Variants in NCOA7 observed in about 807,000 individuals in gnomAD.
The protein encoded by NCOA7 is 140 kDa estrogen receptor-associated protein.
Under a neutral mutation model 104.3 loss-of-function variants are expected in NCOA7, and 45 were observed. That is an observed-to-expected ratio of 0.43 (90% confidence interval 0.34 to 0.55). The LOEUF (loss-of-function observed/expected upper bound fraction) is 0.55. Among genes scored for constraint, NCOA7 ranks in the 20% least tolerant of loss-of-function variants. The pLI, the probability that NCOA7 is intolerant of heterozygous loss-of-function variation, is 0.02. For missense variants in NCOA7, 1,041 were observed against 1,119.7 expected, an observed-to-expected ratio of 0.93 and a Z score of 1.00; for synonymous variants, 398 against 402.3, an observed-to-expected ratio of 0.99 and a Z score of 0.13.
chr6:125,782,724 A>C (rs146315398), intron 1 of NCOA7, among the ~76,000 whole-genome samples: 1 of 152,362 alleles, frequency 6.6e-6, no homozygotes, highest in Non-Finnish European at 1.5e-5. Flanking sequence ...CAGAATGCAC[A>C]TAATTCCAGT....
chr6:125,795,624 G>A (rs1236992401), intron 1 of NCOA7, among the ~76,000 whole-genome samples: 1 of 152,100 alleles, frequency 6.6e-6, no homozygotes, highest in African/African-American at 2.4e-5. Flanking sequence ...TCTGCATTCT[G>A]CCTTGCTCTG....
At chr6:125,858,037 C>T (rs1210664734) in intron 3 of NCOA7, among the ~76,000 whole-genome samples, 1 of 151,888 alleles carries the variant, frequency 6.6e-6, no homozygotes, top group Non-Finnish European at 1.5e-5. Flanking sequence ...TTAACAAAAT[C>T]AGCTCAGTCA....
rs1784154435 is a variant in NCOA7 at position 125,885,195 on chromosome 6, A to G, written c.736A>G (p.Asn246Asp). The G allele has an allele frequency of 1.2e-6, 2 of 1,614,052 alleles. No individual in the cohort carries two copies. Among genetic ancestry groups the G allele is most frequent in the Non-Finnish European group, 1.7e-6 (2 of 1,179,930 alleles). ...CGGTGTTATGATAGTGACTCCTAAC[A>G]ACATCATGTTTGACCCTCATAAATC... ...VGGVMIVTPN[N>D]IMFDPHKSDP... Residue 246 changes from asparagine (N) to aspartate (D), a missense_variant, in exon 8 of 16, where the codon AAC becomes GAC. Asn to Asp is a conservative substitution (Grantham distance 23). Around this residue, in one of 2 missense-constraint regions of NCOA7, gnomAD observed 914 missense variants for 942.7 expected, o/e 0.97. Transcript: ENST00000392477.
At chr6:125,854,546 C>G (rs1435386142) in intron 2 of NCOA7, among the ~76,000 whole-genome samples, 1 of 152,174 alleles carries the variant, frequency 6.6e-6, no homozygotes, top group Admixed American at 6.5e-5. Flanking sequence ...CCAGTTCACA[C>G]CTTGCCAAAT....
intron 10 of NCOA7, among the ~76,000 whole-genome samples, chr6:125,898,982 C>T (rs1785270894): frequency 6.6e-6 from 1 of 152,046 alleles, no homozygotes; most frequent in African/African-American, 2.4e-5. Flanking sequence ...GCCTTTCTTT[C>T]AATGCATGGA....
intron 10 of NCOA7, among the ~76,000 whole-genome samples, chr6:125,907,733 A>C (rs1786151448): frequency 6.6e-6 from 1 of 152,160 alleles, no homozygotes; most frequent in African/African-American, 2.4e-5. Context: ...GTTTGGGCAC[A>C]TTATTGAGTC....
chr6:125,908,988 GCATTCTCAGAA>G (rs544233891), intron 10 of NCOA7, among the ~76,000 whole-genome samples: 348 of 152,342 alleles, frequency 2.3e-3, no homozygotes, highest in Middle Eastern at 6.8e-3. Flanking sequence ...CATGAACTCA[GCATTCTCAGAA>G]CATTTCCTTT....
intron 10 of NCOA7, among the ~76,000 whole-genome samples, chr6:125,899,700 G>T (rs1011464852): frequency 1.3e-5 from 2 of 152,120 alleles, no homozygotes; most frequent in Non-Finnish European, 2.9e-5. Context: ...AAGTGACACT[G>T]CTTGCTCTCC....
chr6:125,833,249 C>A (rs1478000442), intron 2 of NCOA7, among the ~76,000 whole-genome samples: 2 of 152,046 alleles, frequency 1.3e-5, no homozygotes, highest in Non-Finnish European at 2.9e-5. Flanking sequence ...TTATGAAGAT[C>A]AAACATAAAA....
chr6:125,845,797 C>T (rs1780553472), intron 2 of NCOA7, among the ~76,000 whole-genome samples: 1 of 152,198 alleles, frequency 6.6e-6, no homozygotes, highest in Non-Finnish European at 1.5e-5. Context: ...TTCTTCTCTC[C>T]CCACTCATTG....
Position 125,885,363 on chromosome 6 carries a change from A to G in NCOA7, c.884+20A>G, listed in dbSNP as rs1784169315. ...GCCATCGTAAGACATTTATTTGTTT[A>G]CCAGGAAAAAAGGGGTGTTGAGAGA... On this transcript the variant is annotated intron_variant, in intron 8 of 15. Coordinates refer to ENST00000392477, the MANE Select transcript of NCOA7 (RefSeq NM_181782.5). 6 of 1,610,162 alleles carry G rather than the reference A, an allele frequency of 3.7e-6. No homozygotes were observed. The highest frequency in any genetic ancestry group is 5.1e-6 in the Non-Finnish European group (6 of 1,177,174).
chr6:125,857,230 T>C (rs1781634560), intron 3 of NCOA7, among the ~76,000 whole-genome samples: 1 of 152,102 alleles, frequency 6.6e-6, no homozygotes, highest in Non-Finnish European at 1.5e-5. Context: ...TAAGGAAAAT[T>C]GCATTTCATA....
At position 125,931,519 on chromosome 6, in the gene NCOA7, T is replaced by G. The variant is rs1788464562; in HGVS notation, c.*2748T>G. On this transcript the variant is annotated 3_prime_UTR_variant, in exon 16 of 16. Coordinates refer to ENST00000392477, the MANE Select transcript of NCOA7 (RefSeq NM_181782.5). ...GATGAAGACCCCAAGCAGTCTTCATTGCTTCATAATTCCTCAGTTCATAAG... is the reference window on the plus strand; with the variant it reads ...GATGAAGACCCCAAGCAGTCTTCATGGCTTCATAATTCCTCAGTTCATAAG... 6.6e-6 allele frequency: 1 copy of G among 152,170 alleles called. No homozygotes were observed. The highest frequency in any genetic ancestry group is 2.1e-4 in the South Asian group (1 of 4,830). 9.4% of individuals were successfully genotyped at this position (152,170 alleles called of 1,614,324 possible).
chr6:125,840,546 C>G (rs921678245), intron 2 of NCOA7, among the ~76,000 whole-genome samples: 6 of 151,998 alleles, frequency 3.9e-5, no homozygotes, highest in Middle Eastern at 3.4e-3. Flanking sequence ...CAGGGTCTTG[C>G]TCTGTTGCCC....
chr6:125,882,262 T>TA (rs1329016872), intron 6 of NCOA7, among the ~76,000 whole-genome samples, 164 bp from the exon 7 acceptor site: 7 of 152,256 alleles, frequency 4.6e-5, no homozygotes, highest in African/African-American at 7.2e-5. Context: ...GGGTATCTGT[T>TA]ATTACATTTG....
At chr6:125,793,039 T>C (rs945822411) in intron 1 of NCOA7, among the ~76,000 whole-genome samples, 7 of 152,230 alleles carry the variant, frequency 4.6e-5, no homozygotes, top group Non-Finnish European at 8.8e-5. Context: ...GGCCATACTT[T>C]ATTACTATTG....
chr6:125,851,379 C>G (rs1185384904), intron 2 of NCOA7, among the ~76,000 whole-genome samples: 1 of 152,092 alleles, frequency 6.6e-6, no homozygotes, highest in African/African-American at 2.4e-5. Context: ...GTTACTTCAC[C>G]TAGAATACTT....
Position 125,889,380 on chromosome 6 carries a change from T to C in NCOA7, c.1326T>C (p.Leu442=). 1 of 1,613,962 alleles carries C rather than the reference T, an allele frequency of 6.2e-7. No individual in the cohort carries two copies. The highest frequency in any genetic ancestry group is 1.3e-5 in the African/African-American group (1 of 75,026). Residue 442 remains leucine, a synonymous_variant, in exon 9 of 16, where the codon CTT becomes CTC. Transcript: ENST00000392477. ...ACACCTTGAAGGAGTGCCTTTCTCTTGACCCAGAGGAACGAAAGAAAGCTG... is the reference window on the plus strand; with the variant it reads ...ACACCTTGAAGGAGTGCCTTTCTCTCGACCCAGAGGAACGAAAGAAAGCTG... ...KKDTLKECLS[L]DPEERKKAES...
intron 10 of NCOA7, among the ~76,000 whole-genome samples, chr6:125,896,110 T>C (rs1285704748): frequency 6.6e-6 from 1 of 150,856 alleles, no homozygotes; most frequent in Admixed American, 6.6e-5. Flanking sequence ...GTTTTCTGAT[T>C]GATTTAATCA....
Sources: allele counts gnomAD v4.1 joint callset (sites outside exome capture counted in the v4.1 genomes callset), GRCh38; gene constraint gnomAD v4.1.1; regional missense constraint gnomAD v4.1.1; transcripts MANE v1.5; gene names NCBI Gene and HGNC (gene_info 2026-07-23, HGNC 2026-07-21).